Variants in INPP4B observed in about 807,000 individuals in gnomAD.
The protein encoded by INPP4B is inositol polyphosphate-4-phosphatase type II B, also known as inositol polyphosphate 4-phosphatase type II.
Under a neutral mutation model 122.5 loss-of-function variants are expected in INPP4B, and 55 were observed. That is an observed-to-expected ratio of 0.45 (90% confidence interval 0.36 to 0.56). INPP4B has a LOEUF of 0.56. Among genes scored for constraint, INPP4B ranks in the 20% least tolerant of loss-of-function variants. INPP4B has a pLI of 0.00. For synonymous variants in INPP4B, 403 were observed against 388.7 expected, an observed-to-expected ratio of 1.04 and a Z score of -0.43; for missense variants, 1,000 against 1,097.7, an observed-to-expected ratio of 0.91 and a Z score of 1.26.
intron 7 of INPP4B, among the ~76,000 whole-genome samples, chr4:142,363,256 T>G (rs1315591874): frequency 6.6e-6 from 1 of 151,952 alleles, no homozygotes; most frequent in Non-Finnish European, 1.5e-5. Flanking sequence ...CCTATTTCAT[T>G]TATAAATATC....
At chr4:142,734,899 C>G (rs1766622941) in intron 1 of INPP4B, among the ~76,000 whole-genome samples, 1 of 152,148 alleles carries the variant, frequency 6.6e-6, no homozygotes, top group African/African-American at 2.4e-5. Flanking sequence ...CCTGCCTCAG[C>G]CTCCCAAAGT....
chr4:142,409,442 G>A (rs990287829), intron 5 of INPP4B, among the ~76,000 whole-genome samples: 10 of 152,166 alleles, frequency 6.6e-5, no homozygotes, highest in African/African-American at 1.7e-4. Context: ...GCAGTGAGCC[G>A]AGATTGCGTC....
At chr4:142,545,470 C>T (rs77081113) in intron 2 of INPP4B, among the ~76,000 whole-genome samples, 6,768 of 152,022 alleles carry the variant, frequency 0.045, 326 homozygotes, top group African/African-American at 0.12. Context: ...AGAGATGAAA[C>T]TCAACCAATA....
At chr4:142,630,513 TG>T (rs1444874970) in intron 2 of INPP4B, among the ~76,000 whole-genome samples, 33 of 152,252 alleles carry the variant, frequency 2.2e-4, no homozygotes, top group African/African-American at 7.7e-4. Context: ...CTTCTACTTC[TG>T]TTAATGACAG....
chr4:142,451,333 C>T (rs1425885871), intron 3 of INPP4B, among the ~76,000 whole-genome samples: 1 of 138,486 alleles, frequency 7.2e-6, no homozygotes, highest in Non-Finnish European at 1.5e-5. Context: ...TCACTGCAAT[C>T]TCTGCCTCCT....
chr4:142,809,638 C>A (rs1383143466), intron 1 of INPP4B, among the ~76,000 whole-genome samples: 1 of 152,060 alleles, frequency 6.6e-6, no homozygotes, highest in Non-Finnish European at 1.5e-5. Flanking sequence ...AAAGTACTGA[C>A]TCAAATGCAA....
chr4:142,681,480 C>T (rs1194665373), intron 2 of INPP4B, among the ~76,000 whole-genome samples: 2 of 151,698 alleles, frequency 1.3e-5, no homozygotes, highest in African/African-American at 4.8e-5. Flanking sequence ...CAGAAAAGGT[C>T]AAGTGTTTAA....
chr4:142,175,417 T>G (rs1381141245), intron 15 of INPP4B, among the ~76,000 whole-genome samples: 1 of 152,082 alleles, frequency 6.6e-6, no homozygotes, highest in Non-Finnish European at 1.5e-5. Context: ...ATTTACTTAT[T>G]TAGTAAAAGA....
chr4:142,787,926 G>A (rs1216982703), intron 1 of INPP4B, among the ~76,000 whole-genome samples: 2 of 151,846 alleles, frequency 1.3e-5, no homozygotes, highest in African/African-American at 4.8e-5. Flanking sequence ...ATTTAGAGAG[G>A]TGGAGGGGGA....
At chr4:142,689,816 G>T (rs1759901851) in intron 2 of INPP4B, among the ~76,000 whole-genome samples, 1 of 152,076 alleles carries the variant, frequency 6.6e-6, no homozygotes, top group African/African-American at 2.4e-5. Flanking sequence ...GCATGTTTAT[G>T]CGCAGCTAAT....
At chr4:142,579,401 T>G (rs1734525662) in intron 2 of INPP4B, among the ~76,000 whole-genome samples, 1 of 151,992 alleles carries the variant, frequency 6.6e-6, no homozygotes, top group Non-Finnish European at 1.5e-5. Flanking sequence ...AATCAAACTA[T>G]GATAGTTAAT....
intron 11 of INPP4B, among the ~76,000 whole-genome samples, chr4:142,259,499 G>T (rs1204231268): frequency 6.6e-6 from 1 of 151,432 alleles, no homozygotes; most frequent in Non-Finnish European, 1.5e-5. Flanking sequence ...CTAGGTACAG[G>T]ATTAAAAACA....
At chr4:142,182,334 G>A (rs1413617220) in intron 15 of INPP4B, among the ~76,000 whole-genome samples, 1 of 152,036 alleles carries the variant, frequency 6.6e-6, no homozygotes, top group Non-Finnish European at 1.5e-5. Context: ...GGATCACGAG[G>A]TCAGGAGATT....
chr4:142,594,636 A>T (rs898460051), intron 2 of INPP4B, among the ~76,000 whole-genome samples: 6 of 152,100 alleles, frequency 3.9e-5, no homozygotes, highest in Non-Finnish European at 8.8e-5. Flanking sequence ...AAACATTTAG[A>T]TGTTATAATT....
intron 22 of INPP4B, 124 bp downstream of exon 22, chr4:142,112,418 A>G: frequency 9.6e-7 from 1 of 1,041,834 alleles, no homozygotes; most frequent in Non-Finnish European, 1.4e-6. Context: ...TTTGATACTG[A>G]TAAAAAGAAA....
chr4:142,567,156 A>G (rs1257735997), intron 2 of INPP4B, among the ~76,000 whole-genome samples: 1 of 152,224 alleles, frequency 6.6e-6, no homozygotes, highest in Non-Finnish European at 1.5e-5. Context: ...GTCAGGAGCT[A>G]GAGTTTTCGG....
chr4:142,553,055 C>A (rs1211335477), intron 2 of INPP4B, among the ~76,000 whole-genome samples: 1 of 152,122 alleles, frequency 6.6e-6, no homozygotes, highest in African/African-American at 2.4e-5. Context: ...AAGTATTACC[C>A]TATTATCTTC....
At chr4:142,394,873 T>A (rs1025578975) in intron 7 of INPP4B, among the ~76,000 whole-genome samples, 4 of 152,202 alleles carry the variant, frequency 2.6e-5, no homozygotes, top group Non-Finnish European at 5.9e-5. Context: ...AGCCAAAATA[T>A]CTTTGCTCAG....
At chr4:142,450,136 A>G (rs966812341) in intron 3 of INPP4B, among the ~76,000 whole-genome samples, 3 of 152,078 alleles carry the variant, frequency 2.0e-5, no homozygotes, top group African/African-American at 7.2e-5. Context: ...ACTCCCTTTC[A>G]TCTTTGCTCT....
Sources: gnomAD v4.1 joint callset for allele counts (sites outside exome capture counted in the v4.1 genomes callset) on GRCh38, gnomAD v4.1.1 for gene constraint, MANE v1.5 for transcripts, NCBI Gene and HGNC (gene_info 2026-07-23, HGNC 2026-07-21) for gene names.